The following SLC1A2 variants were observed in gnomAD, a reference collection of about 807,000 sequenced individuals.
The protein encoded by SLC1A2 is excitatory amino acid transporter 2.
In SLC1A2, 15 loss-of-function variants were observed where a neutral mutation model predicts 48.8. The observed-to-expected ratio is 0.31, with a 90% CI of 0.21 to 0.47. SLC1A2 has a LOEUF of 0.47. SLC1A2 is among the 20% of genes least tolerant of loss of function. The probability of loss-of-function intolerance (pLI) is 0.99; values close to 1 mark genes in which losing one functional copy is unlikely to be tolerated. For missense variants in SLC1A2, 502 were observed against 730.5 expected (o/e 0.69, Z 3.61); for synonymous variants, 279 against 272.6 (o/e 1.02, Z -0.23).
intron 5 of SLC1A2, among the ~76,000 whole-genome samples, chr11:35,303,128 CA>C (rs775796979): frequency 6.6e-6 from 1 of 151,868 alleles, no homozygotes; most frequent in Non-Finnish European, 1.5e-5. Flanking sequence ...AGTCTTAACC[CA>C]TACTCAGTAA....
At chr11:35,327,494 G>A (rs1426436164) in intron 1 of SLC1A2, among the ~76,000 whole-genome samples, 3 of 152,182 alleles carry the variant, frequency 2.0e-5, no homozygotes, top group Non-Finnish European at 4.4e-5. Flanking sequence ...ACTGGCCAAA[G>A]AAGAAGTTTG....
intron 1 of SLC1A2, among the ~76,000 whole-genome samples, chr11:35,327,189 G>A (rs1330558628): frequency 6.6e-6 from 1 of 152,030 alleles, no homozygotes; most frequent in Admixed American, 6.5e-5. Flanking sequence ...TGCAGTTTGT[G>A]GAAATTAATC....
intron 9 of SLC1A2, among the ~76,000 whole-genome samples, chr11:35,266,321 C>T (rs1275387605): frequency 2.6e-5 from 4 of 152,218 alleles, no homozygotes; most frequent in Admixed American, 2.6e-4. Flanking sequence ...GCTTCCCTCA[C>T]ACACAGACGC....
intron 6 of SLC1A2, among the ~76,000 whole-genome samples, chr11:35,295,296 C>T (rs1007389486): frequency 6.6e-6 from 1 of 152,150 alleles, no homozygotes; most frequent in Non-Finnish European, 1.5e-5. Flanking sequence ...GCAAACCTCC[C>T]ACATCAGCCT....
At chr11:35,309,031 T>C (rs1851605060) in intron 4 of SLC1A2, among the ~76,000 whole-genome samples, 1 of 152,200 alleles carries the variant, frequency 6.6e-6, no homozygotes, top group Non-Finnish European at 1.5e-5. Flanking sequence ...TTATAAGTAC[T>C]TTTCAGCTTC....
chr11:35,374,743 T>C (rs1412455165), intron 1 of SLC1A2, among the ~76,000 whole-genome samples: 1 of 150,968 alleles, frequency 6.6e-6, no homozygotes, highest in African/African-American at 2.4e-5. Context: ...AGAACATTGC[T>C]AAGCAAATAT....
At chr11:35,267,618 C>G (rs1850133890) in intron 9 of SLC1A2, among the ~76,000 whole-genome samples, 1 of 152,124 alleles carries the variant, frequency 6.6e-6, no homozygotes, top group African/African-American at 2.4e-5. Context: ...GGCAACGCTC[C>G]CAACTAACTA....
chr11:35,262,147 G>A (rs368555814), intron 10 of SLC1A2, among the ~76,000 whole-genome samples: 46 of 152,308 alleles, frequency 3.0e-4, no homozygotes, highest in African/African-American at 9.9e-4. Context: ...CCCTTTCAGT[G>A]AACTGTCAAG....
At chr11:35,351,748 GC>G (rs1418925446) in intron 1 of SLC1A2, among the ~76,000 whole-genome samples, 1 of 152,196 alleles carries the variant, frequency 6.6e-6, no homozygotes, top group East Asian at 1.9e-4. Flanking sequence ...CGATTCTCCT[GC>G]CTCAATCTCC....
chr11:35,397,259 C>T (rs1477106431), intron 1 of SLC1A2, among the ~76,000 whole-genome samples: 16 of 148,232 alleles, frequency 1.1e-4, no homozygotes, highest in Non-Finnish European at 1.5e-4. Flanking sequence ...GGAGGCATCA[C>T]GCTACCTGAC....
chr11:35,339,481 G>C (rs1451111971), intron 1 of SLC1A2, among the ~76,000 whole-genome samples: 1 of 152,214 alleles, frequency 6.6e-6, no homozygotes, highest in African/African-American at 2.4e-5. Flanking sequence ...TTTGGTTAGT[G>C]TGTGGCTCAA....
chr11:35,402,445 C>T (rs978785558), intron 1 of SLC1A2, among the ~76,000 whole-genome samples: 2 of 152,188 alleles, frequency 1.3e-5, no homozygotes, highest in African/African-American at 2.4e-5. Flanking sequence ...CATGAAAGCT[C>T]CGAGCCCTTC....
chr11:35,287,622 C>A, intron 7 of SLC1A2, among the ~76,000 whole-genome samples: 1 of 152,164 alleles, frequency 6.6e-6, no homozygotes, highest in Non-Finnish European at 1.5e-5. Context: ...TGCTCATTAG[C>A]AAATCAAAGA....
At chr11:35,328,232 A>T (rs1461418564) in intron 1 of SLC1A2, among the ~76,000 whole-genome samples, 1 of 152,188 alleles carries the variant, frequency 6.6e-6, no homozygotes, top group African/African-American at 2.4e-5. Flanking sequence ...CTCAGCCAGC[A>T]CTTGCTGCTG....
intron 1 of SLC1A2, among the ~76,000 whole-genome samples, chr11:35,408,514 G>GT (rs1590287327): frequency 6.6e-6 from 1 of 152,194 alleles, no homozygotes; most frequent in Admixed American, 6.5e-5. Context: ...CTGCCGCCAT[G>GT]TAAGAAATGC....
At chr11:35,409,268 T>C (rs1208132747) in intron 1 of SLC1A2, among the ~76,000 whole-genome samples, 2 of 152,210 alleles carry the variant, frequency 1.3e-5, no homozygotes, top group African/African-American at 2.4e-5. Flanking sequence ...AACAATGCAG[T>C]GGATATTCCA....
chr11:35,377,894 C>T (rs991300147), intron 1 of SLC1A2, among the ~76,000 whole-genome samples: 45 of 152,190 alleles, frequency 3.0e-4, no homozygotes, highest in African/African-American at 1.1e-3. Context: ...TTTTCTTTAT[C>T]CCAGTGTTGG....
intron 1 of SLC1A2, among the ~76,000 whole-genome samples, chr11:35,353,551 C>T (rs1488059843): frequency 6.6e-6 from 1 of 152,154 alleles, no homozygotes; most frequent in Non-Finnish European, 1.5e-5. Context: ...AATAGGGTTT[C>T]CAATAAATTT....
chr11:35,408,519 A>G (rs1345026028), intron 1 of SLC1A2, among the ~76,000 whole-genome samples: 2 of 152,192 alleles, frequency 1.3e-5, no homozygotes, highest in Non-Finnish European at 2.9e-5. Context: ...GCCATGTAAG[A>G]AATGCCTTTC....
Sources: allele counts gnomAD v4.1 joint callset (sites outside exome capture counted in the v4.1 genomes callset), GRCh38; gene constraint gnomAD v4.1.1; transcripts MANE v1.5; gene names NCBI Gene and HGNC (gene_info 2026-07-23, HGNC 2026-07-21).